Variants in ZSCAN5C observed in about 807,000 individuals in gnomAD.
The protein encoded by ZSCAN5C is zinc finger and SCAN domain containing 5C.
Under a neutral mutation model 17.3 loss-of-function variants are expected in ZSCAN5C, and 11 were observed. That is an observed-to-expected ratio of 0.64 (90% CI 0.40 to 1.06). The LOEUF is 1.06. ZSCAN5C is among the 50% of genes least tolerant of loss of function. The pLI is 0.00. For missense variants in ZSCAN5C, 698 were observed against 538.9 expected (o/e 1.30, Z -2.92); for synonymous variants, 229 against 208.4 (o/e 1.10, Z -0.85).
exon 2 of ZSCAN5C, chr19:56,206,001 G>A: frequency 6.2e-7 from 1 of 1,603,766 alleles, no homozygotes; most frequent in Admixed American, 1.7e-5. Flanking sequence ...GCCATCCCCA[G>A]CAACTCAACT....
intron 1 of ZSCAN5C, 25 bp from the exon 2 acceptor site, chr19:56,205,762 G>GA (rs2032913062): frequency 3.4e-6 from 2 of 587,218 alleles, no homozygotes; most frequent in Non-Finnish European, 6.0e-6. Context: ...AACTTTAACA[G>GA]AGCTCATGCT....
intron 1 of ZSCAN5C, among the ~76,000 whole-genome samples, chr19:56,202,722 T>C (rs974522177): frequency 6.6e-6 from 1 of 151,866 alleles, no homozygotes; most frequent in African/African-American, 2.4e-5. Flanking sequence ...CCTGAATAAA[T>C]GTTTAATTTT....
intron 1 of ZSCAN5C, among the ~76,000 whole-genome samples, chr19:56,203,112 C>A (rs1368675285): frequency 6.6e-6 from 1 of 151,838 alleles, no homozygotes; most frequent in Non-Finnish European, 1.5e-5. Context: ...AACATGAACC[C>A]CTTTTTTTAG....
At chr19:56,206,404 C>G (rs2032922160) in intron 2 of ZSCAN5C, 107 bp downstream of exon 2, 1 of 1,430,458 alleles carries the variant, frequency 7.0e-7, no homozygotes, top group Admixed American at 2.4e-5. Context: ...GTCAGGGCTT[C>G]CAAGTAGAGG....
At position 56,208,641 on chromosome 19, in the gene ZSCAN5C, A is replaced by G. The variant is rs544412846; in HGVS notation, c.932A>G (p.Glu311Gly). 821 of 1,610,954 alleles carry G rather than the reference A, an allele frequency of 5.1e-4. 30 individuals are homozygous for G. The African/African-American group carries it at 9.5e-3, about 19-fold the overall frequency. ...GACGCCACCTCCATTTCCCAAGAAG[A>G]GCCTCAAGGAGAAGCCACACCTGTG... The change falls in exon 5 of 5, where the codon GAG becomes GGG. Residue 311 changes from glutamate (E) to glycine (G), a missense_variant. Physicochemically the swap from Glu to Gly is moderately conservative, Grantham distance 98. This residue lies in a region of ZSCAN5C where 554 missense variants were observed against 390.5 expected (regional missense o/e 1.42). Coordinates refer to ENST00000534327, the Ensembl canonical transcript of ZSCAN5C.
intron 1 of ZSCAN5C, among the ~76,000 whole-genome samples, chr19:56,204,161 T>A (rs1240198699): frequency 6.6e-6 from 1 of 151,712 alleles, no homozygotes; most frequent in South Asian, 2.1e-4. Context: ...CAACCCTCCC[T>A]CCCTCTATCC....
At position 56,206,863 on chromosome 19, in the gene ZSCAN5C, C is replaced by A. The variant is rs185618646; in HGVS notation, c.385-196C>A. ...CCCTCTTTTCTCTTTGGTTTAGAGACCCTTTCATCTAAAGGACTCATATTT... is the reference window on the plus strand; with the variant it reads ...CCCTCTTTTCTCTTTGGTTTAGAGAACCTTTCATCTAAAGGACTCATATTT... On this transcript the variant is annotated intron_variant, in intron 2 of 4. Transcript: ENST00000534327. Among the ~76,000 whole-genome samples, 38 of 151,884 alleles carry A rather than the reference C, an allele frequency of 2.5e-4. 1 individual carries two copies. Among genetic ancestry groups the A allele is most frequent in the African/African-American group, 8.5e-4 (35 of 41,248 alleles).
intron 1 of ZSCAN5C, among the ~76,000 whole-genome samples, chr19:56,204,219 C>T (rs1036933308): frequency 1.3e-5 from 2 of 151,212 alleles, no homozygotes; most frequent in Non-Finnish European, 1.5e-5. Flanking sequence ...TTCCTTTCCT[C>T]TGTGTACCTG....
chr19:56,203,990 T>A (rs2032896694), intron 1 of ZSCAN5C, among the ~76,000 whole-genome samples: 1 of 151,870 alleles, frequency 6.6e-6, no homozygotes, highest in South Asian at 2.1e-4. Context: ...ATTACCTACT[T>A]CTTTTATTTT....
intron 3 of ZSCAN5C, 58 bp downstream of exon 3, chr19:56,207,320 C>G (rs916838769): frequency 1.4e-6 from 1 of 702,158 alleles, no homozygotes; most frequent in Non-Finnish European, 2.6e-6. Flanking sequence ...GGGAGGAAAT[C>G]GTGTGGCCAC....
intron 1 of ZSCAN5C, among the ~76,000 whole-genome samples, chr19:56,202,694 C>G (rs2032884209): frequency 1.3e-5 from 2 of 152,092 alleles, no homozygotes; most frequent in Middle Eastern, 6.8e-3. Context: ...GCAGGAACTA[C>G]AGGCACTTGC....
rs766452600 is a variant in ZSCAN5C at position 56,208,949 on chromosome 19, T to C, written c.1240T>C (p.Cys414Arg). The C allele has an allele frequency of 2.5e-6, 4 of 1,613,590 alleles. No homozygotes were observed. In the South Asian group the frequency reaches 4.4e-5, roughly 18 times the overall value. ...CCACACTGGCGAGAGGCCCTACACG[T>C]GTGACATCTGCCAGAAGCAGTTCAC... Residue 414 changes from cysteine (C) to arginine (R), a missense_variant, in exon 5 of 5, where the codon TGT becomes CGT. This residue lies in a region of ZSCAN5C where 554 missense variants were observed against 390.5 expected (regional missense o/e 1.42). Transcript: ENST00000534327.
At chr19:56,209,323 A>G (rs2032964176), downstream of ZSCAN5C, 4 of 526,498 alleles carry the variant, frequency 7.6e-6, no homozygotes, top group Admixed American at 1.1e-4. Context: ...CTAGATAGGA[A>G]TTCCTAGGAT....
At chr19:56,208,883 C>A (rs538143117) in exon 5 of ZSCAN5C, 7 of 1,595,544 alleles carry the variant, frequency 4.4e-6, no homozygotes, top group Non-Finnish European at 2.6e-6. Flanking sequence ...CTGCGGGAAG[C>A]GCTTCATGCA....
intron 2 of ZSCAN5C, among the ~76,000 whole-genome samples, chr19:56,206,725 T>C (rs1041146091): frequency 6.6e-6 from 1 of 151,734 alleles, no homozygotes; most frequent in African/African-American, 2.4e-5. Flanking sequence ...GGCCCAGAAA[T>C]ACCATCCTGA....
intron 1 of ZSCAN5C, among the ~76,000 whole-genome samples, chr19:56,204,734 C>T (rs972511182): frequency 6.6e-6 from 1 of 151,846 alleles, no homozygotes; most frequent in Admixed American, 6.5e-5. Flanking sequence ...GGGCACTCGC[C>T]CTCCAGGCTA....
chr19:56,208,922 AC>A lies in ZSCAN5C; in HGVS notation c.1216del (p.His406ThrfsTer22), dbSNP rs1568592136. ...CATAGGCCTGCAATTTCACCAGCGA[AC>A]CCACACTGGCGAGAGGCCCTACACG... On this transcript the variant is annotated frameshift_variant, in exon 5 of 5. Coordinates refer to ENST00000534327, the Ensembl canonical transcript of ZSCAN5C. LOFTEE classifies it low-confidence loss of function (END_TRUNC). 3 of 1,613,058 alleles carry A rather than the reference AC, an allele frequency of 1.9e-6. No individual in the cohort carries two copies. The South Asian group carries it at 3.3e-5, about 18-fold the overall frequency.
At chr19:56,205,541 A>G (rs1051060961) in intron 1 of ZSCAN5C, among the ~76,000 whole-genome samples, 1 of 152,046 alleles carries the variant, frequency 6.6e-6, no homozygotes. Flanking sequence ...TTCGATGGGC[A>G]GGAAAACCAA....
exon 5 of ZSCAN5C, chr19:56,208,938 G>A: frequency 6.8e-6 from 11 of 1,613,174 alleles, no homozygotes; most frequent in Non-Finnish European, 7.6e-6. Context: ...ACTGGCGAGA[G>A]GCCCTACACG....
Sources: allele counts gnomAD v4.1 joint callset (sites outside exome capture counted in the v4.1 genomes callset), GRCh38; gene constraint gnomAD v4.1.1; regional missense constraint gnomAD v4.1.1; transcripts MANE v1.5; gene names NCBI Gene and HGNC (gene_info 2026-07-23, HGNC 2026-07-21).